Variants in C7 observed in about 807,000 individuals in gnomAD.
C7 encodes complement C7.
Under a neutral mutation model 104.8 loss-of-function variants are expected in C7, and 83 were observed. That is an observed-to-expected ratio of 0.79 (90% CI 0.66 to 0.95). The LOEUF is 0.95. Ranked by LOEUF, C7 falls within the 40% of genes least tolerant of loss-of-function variation. The pLI is 0.00. For synonymous variants in C7, 415 were observed against 360.6 expected, an observed-to-expected ratio of 1.15 and a Z score of -1.71; for missense variants, 1,070 against 1,011.2, an observed-to-expected ratio of 1.06 and a Z score of -0.79.
At chr5:40,920,039 A>G (rs533631567) in intron 1 of C7, among the ~76,000 whole-genome samples, 1 of 152,276 alleles carries the variant, frequency 6.6e-6, no homozygotes, top group African/African-American at 2.4e-5. Context: ...CAAAAGATAG[A>G]TAAAATAAGT....
intron 14 of C7, among the ~76,000 whole-genome samples, chr5:40,969,031 AGC>A (rs990733257): frequency 2.6e-5 from 4 of 152,128 alleles, no homozygotes; most frequent in Admixed American, 6.6e-5. Context: ...AAGTACAGAG[AGC>A]GCCCATCTAC....
intron 14 of C7, among the ~76,000 whole-genome samples, chr5:40,969,186 G>T (rs1740636410): frequency 6.6e-6 from 1 of 151,878 alleles, no homozygotes; most frequent in South Asian, 2.1e-4. Flanking sequence ...TAGTTTTTAA[G>T]CGATGTTTTG....
In C7 at chr5:40,979,768, A is replaced by G. The variant is rs545063890; in HGVS notation, c.2209A>G (p.Ile737Val). Residue 737 changes from isoleucine to valine, a missense_variant, in exon 17 of 18, where the codon ATA becomes GTA. Coordinates refer to ENST00000313164, the MANE Select transcript of C7 (RefSeq NM_000587.4). ...TGCTCAAGATGAGAGAAGCAAAAGG[A>G]TACTGCCTCTGACAGTTTGCAAGAT... ...VCAQDERSKR[I>V]LPLTVCKMHV... is the part of the protein sequence containing the mutation. 1.2e-6 allele frequency: 2 copies of G among 1,613,742 alleles called. No homozygotes were observed. The highest frequency in any genetic ancestry group is 1.7e-5 in the Admixed American group (1 of 60,022).
intron 15 of C7, 27 bp from the exon 16 acceptor site, chr5:40,976,723 G>A (rs1254614961): frequency 5.2e-6 from 8 of 1,529,350 alleles, no homozygotes; most frequent in African/African-American, 4.1e-5. Context: ...TTCTCCTAAC[G>A]ACCACATCTC....
intron 3 of C7, among the ~76,000 whole-genome samples, chr5:40,932,569 A>G (rs980277088): frequency 6.6e-6 from 1 of 152,194 alleles, no homozygotes; most frequent in Non-Finnish European, 1.5e-5. Context: ...TCAGGTATTT[A>G]TTTAGTACCT....
chr5:40,922,426 G>A (rs1207170724), intron 1 of C7, among the ~76,000 whole-genome samples: 1 of 149,802 alleles, frequency 6.7e-6, no homozygotes, highest in African/African-American at 2.5e-5. Context: ...CGGGGCTTGG[G>A]CGCAGTGGCT....
At chr5:40,964,526 T>G in intron 13 of C7, 2 of 447,596 alleles carry the variant, frequency 4.5e-6, no homozygotes, top group Non-Finnish European at 8.2e-6. Context: ...AATCAATACA[T>G]TATAGACAGT....
At chr5:40,929,796 T>A (rs921723311) in intron 2 of C7, among the ~76,000 whole-genome samples, 2 of 152,200 alleles carry the variant, frequency 1.3e-5, no homozygotes, top group East Asian at 3.9e-4. Context: ...GCTCAGATTG[T>A]CCTCCTTGGT....
Position 40,959,434 on chromosome 5 carries a change from T to C in C7, c.1490-15T>C, listed in dbSNP as rs1361989147. On this transcript the variant is annotated splice_polypyrimidine_tract_variant and intron_variant, in intron 11 of 17. Coordinates refer to ENST00000313164, the MANE Select transcript of C7 (RefSeq NM_000587.4). ...CTTTAAGAACTTATTGATCAACCTCTTTCTCATCTTGTAGGAGGGGTTGAT... is the reference window on the plus strand; with the variant it reads ...CTTTAAGAACTTATTGATCAACCTCCTTCTCATCTTGTAGGAGGGGTTGAT... 6.2e-7 allele frequency: 1 copy of C among 1,605,310 alleles called. No individual in the cohort carries two copies. The highest frequency in any genetic ancestry group is 8.5e-7 in the Non-Finnish European group (1 of 1,176,454).
chr5:40,955,376 C>T lies in C7; in HGVS notation c.1094-11C>T. On this transcript the variant is annotated splice_polypyrimidine_tract_variant and intron_variant, in intron 9 of 17. Transcript: ENST00000313164. ...AGACTTTTCACTTTTCATTTGCTTT[C>T]TTCTGTATAGGAACCCAGAACAATG... The T allele has an allele frequency of 3.2e-6, 5 of 1,575,226 alleles. No individual in the cohort carries two copies. Among genetic ancestry groups the T allele is most frequent in the Non-Finnish European group, 4.3e-6 (5 of 1,167,260 alleles).
At chr5:40,956,948 C>T (rs1740301624) in intron 10 of C7, among the ~76,000 whole-genome samples, 1 of 152,218 alleles carries the variant, frequency 6.6e-6, no homozygotes, top group Non-Finnish European at 1.5e-5. Context: ...TTAACAGTCT[C>T]CATGTACTTT....
chr5:40,965,219 C>T (rs1014868391), intron 14 of C7, among the ~76,000 whole-genome samples: 2 of 152,166 alleles, frequency 1.3e-5, no homozygotes, highest in Non-Finnish European at 2.9e-5. Context: ...GCTTTGCCTC[C>T]TGTTCTGTTT....
intron 1 of C7, among the ~76,000 whole-genome samples, chr5:40,914,303 TTTGTTGTTG>T (rs1367182069): frequency 6.6e-6 from 1 of 152,152 alleles, no homozygotes; most frequent in African/African-American, 2.4e-5. Context: ...TTTTAATGTT[TTTGTTGTTG>T]TTGTTTTTGT....
intron 12 of C7, among the ~76,000 whole-genome samples, chr5:40,960,901 A>T (rs1458088648): frequency 1.3e-5 from 2 of 152,116 alleles, no homozygotes; most frequent in Admixed American, 1.3e-4. Context: ...TATCTTTATT[A>T]CAGGCTCCCC....
chr5:40,912,171 TCCAAAGGTAATTATCCTAAGGCTAG>T (rs1483387534), intron 1 of C7, among the ~76,000 whole-genome samples: 87 of 152,294 alleles, frequency 5.7e-4, no homozygotes, highest in African/African-American at 1.9e-3. Flanking sequence ...AGGTATTTTT[TCCAAAGGTAATTATCCTAAGGCTAG>T]CCAAATTTCA....
At position 40,944,844 on chromosome 5, in the gene C7, G is replaced by A. The variant is rs114059816; in HGVS notation, c.568-354G>A. ...GCATCTCTGTTCCTCTTTGTTAGAT[G>A]AAAAATCAAGAACGAAATTCTTTCT... is the stretch of plus-strand genomic sequence containing the variant. On this transcript the variant is annotated intron_variant, in intron 6 of 17. Transcript: ENST00000313164. Among the ~76,000 whole-genome samples the A allele has an allele frequency of 7.4e-3, 1,126 of 152,308 alleles. 13 individuals are homozygous for A. Among genetic ancestry groups the A allele is most frequent in the African/African-American group, 0.024 (1,012 of 41,574 alleles).
intron 7 of C7, among the ~76,000 whole-genome samples, chr5:40,947,318 T>C (rs928976120): frequency 6.6e-6 from 1 of 151,886 alleles, no homozygotes; most frequent in Non-Finnish European, 1.5e-5. Flanking sequence ...CAGGCTGGTC[T>C]CAAGTGCTCT....
intron 14 of C7, among the ~76,000 whole-genome samples, chr5:40,969,627 G>T (rs1028532418): frequency 6.6e-6 from 1 of 152,064 alleles, no homozygotes; most frequent in East Asian, 1.9e-4. Flanking sequence ...GAAGGTATGG[G>T]CTTTCTACCT....
At chr5:40,915,617 A>G (rs1302709014) in intron 1 of C7, among the ~76,000 whole-genome samples, 2 of 152,180 alleles carry the variant, frequency 1.3e-5, no homozygotes, top group Non-Finnish European at 2.9e-5. Context: ...TAAAACAAAA[A>G]CGTCTTAAAA....
Sources: gnomAD v4.1 joint callset for allele counts (sites outside exome capture counted in the v4.1 genomes callset) on GRCh38, gnomAD v4.1.1 for gene constraint, MANE v1.5 for transcripts, NCBI Gene and HGNC (gene_info 2026-07-23, HGNC 2026-07-21) for gene names.